The following SH2D6 variants were observed in gnomAD, a reference collection of about 807,000 sequenced individuals.
The protein encoded by SH2D6 is SH2 domain containing 6, also known as SH2 domain-containing protein 6.
A neutral mutation model predicts 30.2 loss-of-function variants in SH2D6; 31 were observed. The ratio of observed to expected loss-of-function variants is 1.03; its 90% CI spans 0.77 to 1.38. The LOEUF (loss-of-function observed/expected upper bound fraction) is 1.38, where lower values mean the gene tolerates loss of function less well. SH2D6 is among the 40% of genes most tolerant of loss of function. The pLI is 0.00. For synonymous variants in SH2D6, 93 were observed against 104.6 expected, an observed-to-expected ratio of 0.89 and a Z score of 0.68; for missense variants, 240 against 266.8, an observed-to-expected ratio of 0.90 and a Z score of 0.70.
rs897648298 is a variant in SH2D6 at position 85,434,060 on chromosome 2, T to C, written c.482T>C (p.Phe161Ser). Residue 161 changes from phenylalanine to serine, a missense_variant, in exon 17 of 24, where the codon TTC becomes TCC. Coordinates refer to ENST00000469800, the MANE Select transcript of SH2D6 (RefSeq NM_001394463.1). ...PVLALTQTLS[F>S]QVLMPSGPLP... ...CTGGCTTTGACTCAGACTCTCAGCT[T>C]CCAAGTCCTGATGCCCTCAGGCCCT... is the stretch of plus-strand genomic sequence containing the variant. The C allele has an allele frequency of 6.4e-7, 1 of 1,550,588 alleles. No individual in the cohort carries two copies. Among genetic ancestry groups the C allele is most frequent in the South Asian group, 1.2e-5 (1 of 84,058 alleles).
Position 85,429,388 on chromosome 2 carries a change from G to C in SH2D6, c.-78G>C, listed in dbSNP as rs201042428. On this transcript the variant is annotated 5_prime_UTR_variant, in exon 8 of 24. Transcript: ENST00000469800. ...GGTGTTTAGGAGATGCAAATGATGG[G>C]AACAATGGAGCCCTTGTCCCCAGGC... is the stretch of plus-strand genomic sequence containing the variant. 2 of 152,258 alleles carry C rather than the reference G, an allele frequency of 1.3e-5. No homozygotes were observed. Among genetic ancestry groups the C allele is most frequent in the Non-Finnish European group, 2.9e-5 (2 of 68,064 alleles). The allele number at this position is 152,258 out of a possible 1,614,324, so 9.4% of individuals were successfully genotyped here.
At chr2:85,435,978 A>G (rs1558768112) in intron 22 of SH2D6, among the ~76,000 whole-genome samples, 154 bp downstream of exon 22, 2 of 152,122 alleles carry the variant, frequency 1.3e-5, no homozygotes, top group Admixed American at 6.5e-5. Flanking sequence ...CCTTCCAGAC[A>G]CCTGGCCCTC....
chr2:85,428,693 G>C lies in SH2D6; in HGVS notation c.-99G>C, dbSNP rs927281492. 2 of 152,202 alleles carry C rather than the reference G, an allele frequency of 1.3e-5. No individual in the cohort carries two copies. The highest frequency in any genetic ancestry group is 2.9e-5 in the Non-Finnish European group (2 of 68,038). 9.4% of individuals were successfully genotyped at this position (152,202 alleles called of 1,614,324 possible). On this transcript the variant is annotated 5_prime_UTR_variant, in exon 7 of 24. Coordinates refer to ENST00000469800, the MANE Select transcript of SH2D6 (RefSeq NM_001394463.1). Reference sequence around the variant, plus strand: ...CCTTGATCTTAGACTTCTAGCTCCAGAACAGTGAGAAAATGACATTTCTGT... The same window carrying C: ...CCTTGATCTTAGACTTCTAGCTCCACAACAGTGAGAAAATGACATTTCTGT...
Position 85,436,886 on chromosome 2 carries a change from G to A in SH2D6, c.*62G>A. On this transcript the variant is annotated 3_prime_UTR_variant, in exon 24 of 24. Transcript: ENST00000469800. ...CTAGGTCCTGGATGAAGGAACCGTG[G>A]TGGCCTAGACCAGTCAGGGGACAGC... The A allele has an allele frequency of 2.7e-6, 1 of 365,258 alleles. No individual in the cohort carries two copies. The highest frequency in any genetic ancestry group is 2.8e-5 in the South Asian group (1 of 35,322). The allele number at this position is 365,258 out of a possible 1,614,324, so 22.6% of individuals were successfully genotyped here.
chr2:85,432,924 G>A (rs1688925534), intron 14 of SH2D6, 175 bp from the exon 15 acceptor site: 2 of 292,668 alleles, frequency 6.8e-6, no homozygotes, highest in Middle Eastern at 1.6e-3. Context: ...CCATAGGGCT[G>A]TGCAGAGAAC....
intron 2 of SH2D6, among the ~76,000 whole-genome samples, chr2:85,421,185 G>A (rs1687736683): frequency 6.6e-6 from 1 of 152,174 alleles, no homozygotes; most frequent in Non-Finnish European, 1.5e-5. Context: ...GAGAGTGTAG[G>A]GGAGGAACAG....
chr2:85,427,332 A>G (rs974603875), intron 6 of SH2D6, among the ~76,000 whole-genome samples: 3 of 152,234 alleles, frequency 2.0e-5, no homozygotes, highest in Admixed American at 2.0e-4. Flanking sequence ...GCACAGAGCA[A>G]TTCCATGCCA....
chr2:85,424,124 C>T (rs535383590), intron 5 of SH2D6, among the ~76,000 whole-genome samples: 1 of 152,352 alleles, frequency 6.6e-6, no homozygotes, highest in Non-Finnish European at 1.5e-5. Flanking sequence ...CGCACTTGGC[C>T]CTAACCTCAT....
intron 19 of SH2D6, 84 bp downstream of exon 19, chr2:85,434,581 C>T (rs1689170390): frequency 1.4e-6 from 2 of 1,461,080 alleles, no homozygotes; most frequent in Admixed American, 2.0e-5. Flanking sequence ...TTGTTCTACC[C>T]TTTCCCCACT....
Position 85,419,066 on chromosome 2 carries a change from C to T in SH2D6, c.-755C>T, listed in dbSNP as rs1558742759. On this transcript the variant is annotated 5_prime_UTR_variant, in exon 2 of 24. Transcript: ENST00000469800. ...TTCCTGGAAGGAGGAGCAGCCCAGA[C>T]CCTGAGACTGGACTAGGTCTGTTAG... 2.0e-5 allele frequency: 3 copies of T among 152,412 alleles called. No homozygotes were observed. Among genetic ancestry groups the T allele is most frequent in the Non-Finnish European group, 4.4e-5 (3 of 68,194 alleles). 9.4% of individuals were successfully genotyped at this position (152,412 alleles called of 1,614,324 possible).
At chr2:85,435,586 A>C in intron 21 of SH2D6, 80 bp from the exon 22 acceptor site, 2 of 1,585,406 alleles carry the variant, frequency 1.3e-6, no homozygotes, top group Non-Finnish European at 1.7e-6. Context: ...GAGGGCCAGG[A>C]GGGTTCTGGC....
intron 17 of SH2D6, 105 bp downstream of exon 17, chr2:85,434,216 C>T: frequency 1.3e-6 from 2 of 1,519,236 alleles, no homozygotes; most frequent in East Asian, 2.5e-5. Context: ...GATGGAATCT[C>T]CTTGCACTGT....
intron 2 of SH2D6, 160 bp from the exon 3 acceptor site, chr2:85,422,043 G>C (rs961708397): frequency 6.6e-6 from 1 of 152,262 alleles, no homozygotes; most frequent in African/African-American, 2.4e-5. Context: ...AAAGAGCCAA[G>C]GTGGAAGGGA....
intron 13 of SH2D6, among the ~76,000 whole-genome samples, chr2:85,431,580 C>T (rs1688657430): frequency 6.6e-6 from 1 of 152,184 alleles, no homozygotes; most frequent in South Asian, 2.1e-4. Flanking sequence ...CTGAGGACCC[C>T]TCCCCACCTC....
At position 85,430,460 on chromosome 2, in the gene SH2D6, T is replaced by TG. The variant is rs1263512034; in HGVS notation, c.135+30dup. 2 of 152,570 alleles carry TG rather than the reference T, an allele frequency of 1.3e-5. No individual in the cohort carries two copies. The highest frequency in any genetic ancestry group is 3.4e-3 in the Middle Eastern group (1 of 294). 9.5% of individuals were successfully genotyped at this position (152,570 alleles called of 1,614,324 possible). A position where few individuals can be genotyped will look rare whatever the true frequency, so the allele number is the denominator to read the frequency against. The stretch of plus-strand genomic sequence containing the variant: ...GTGAGTCTGCCTACTGAGGTTGGGG[T>TG]GGGGAGGCAGCGGCCAGAGCCTGCT... On this transcript the variant is annotated intron_variant, in intron 11 of 23. Transcript: ENST00000469800. This position sits in a 1 kb window ranked among gnomAD's most constrained non-coding sequence, Gnocchi z 4.3.
In SH2D6 at chr2:85,431,216, C is replaced by CT. The variant is rs1688602291; in HGVS notation, c.258dup (p.Gly87TrpfsTer54). The CT allele has an allele frequency of 6.5e-6, 1 of 152,710 alleles. No individual in the cohort carries two copies. The highest frequency in any genetic ancestry group is 2.4e-5 in the African/African-American group (1 of 41,446). The allele number at this position is 152,710 out of a possible 1,614,324, so 9.5% of individuals were successfully genotyped here. ...CAAATGCGATCTTTTCCAGATCACT[C>CT]TGGCCCCCTGGGTCCATCAAAGCCA... On this transcript the variant is annotated frameshift_variant, in exon 13 of 24. Transcript: ENST00000469800. LOFTEE classifies it high-confidence loss of function.
At chr2:85,425,020 C>T (rs1398462460) in intron 5 of SH2D6, among the ~76,000 whole-genome samples, 2 of 152,016 alleles carry the variant, frequency 1.3e-5, no homozygotes, top group East Asian at 1.9e-4. Flanking sequence ...GAGCCAAGAT[C>T]GTGCCACTGC....
chr2:85,435,183 C>T, intron 20 of SH2D6, 60 bp downstream of exon 20: 2 of 1,541,338 alleles, frequency 1.3e-6, no homozygotes, highest in South Asian at 1.1e-5. Flanking sequence ...CCTGAGAGTC[C>T]TTACCCAGGA....
intron 2 of SH2D6, among the ~76,000 whole-genome samples, 189 bp downstream of exon 2, chr2:85,419,433 C>G (rs999532862): frequency 6.6e-6 from 1 of 152,230 alleles, no homozygotes; most frequent in African/African-American, 2.4e-5. Context: ...AAGCCAGGAA[C>G]TCAGGGTCCG....
Sources: gnomAD v4.1 joint callset for allele counts (sites outside exome capture counted in the v4.1 genomes callset) on GRCh38, gnomAD v4.1.1 for gene constraint, Gnocchi (gnomAD v3.1) non-coding constraint, MANE v1.5 for transcripts, NCBI Gene and HGNC (gene_info 2026-07-23, HGNC 2026-07-21) for gene names.